FBXO11: variants seen among roughly 807,000 people sequenced by gnomAD.
FBXO11 encodes the protein F-box only protein 11.
FBXO11 carries 13 observed loss-of-function variants against 117.0 expected under a neutral mutation model. That is an observed-to-expected ratio of 0.11 (90% CI 0.07 to 0.18). FBXO11 has a LOEUF of 0.18. FBXO11 is among the 10% of genes least tolerant of loss of function. The pLI, the probability that FBXO11 is intolerant of heterozygous loss-of-function variation, is 1.00. For missense variants in FBXO11, 767 were observed against 1,164.4 expected (o/e 0.66, Z 4.97); for synonymous variants, 490 against 380.5 (o/e 1.29, Z -3.35).
chr2:47,827,460 C>T (rs974966869), intron 11 of FBXO11, among the ~76,000 whole-genome samples: 2 of 152,120 alleles, frequency 1.3e-5, no homozygotes, highest in African/African-American at 2.4e-5. Flanking sequence ...GTGTGAGCCA[C>T]CACGCCCAGC....
chr2:47,820,743 C>G (rs949275076), intron 13 of FBXO11, among the ~76,000 whole-genome samples: 1 of 152,190 alleles, frequency 6.6e-6, no homozygotes, highest in Non-Finnish European at 1.5e-5. Flanking sequence ...GTATACTGAT[C>G]AGTAAGTATC....
chr2:47,820,822 G>A (rs2104719470), intron 13 of FBXO11, among the ~76,000 whole-genome samples: 1 of 152,248 alleles, frequency 6.6e-6, no homozygotes, highest in Admixed American at 6.5e-5. Flanking sequence ...AGTATTATAT[G>A]ACTTAACTCA....
Position 47,906,149 on chromosome 2 carries a change from T to C in FBXO11, c.-429A>G. On this transcript the variant is annotated 5_prime_UTR_variant, in exon 1 of 23. Transcript: ENST00000403359. ...GCGGCGTCTCCGGCAGCGGGGGGAGTGGGCGGGCGGGTGAGGAAGGGAGAA... is the reference window on the plus strand; with the variant it reads ...GCGGCGTCTCCGGCAGCGGGGGGAGCGGGCGGGCGGGTGAGGAAGGGAGAA... The C allele has an allele frequency of 1.1e-5, 1 of 90,428 alleles. No homozygotes were observed. The highest frequency in any genetic ancestry group is 2.3e-5 in the Non-Finnish European group (1 of 43,718). 5.6% of individuals were successfully genotyped at this position (90,428 alleles called of 1,614,324 possible).
intron 1 of FBXO11, among the ~76,000 whole-genome samples, chr2:47,867,043 T>G (rs748000470): frequency 5.9e-5 from 9 of 152,162 alleles, no homozygotes; most frequent in Non-Finnish European, 1.2e-4. Flanking sequence ...ACCTGAAAAC[T>G]AAAAATCTAA....
chr2:47,866,439 T>C (rs1265712900), intron 1 of FBXO11, among the ~76,000 whole-genome samples: 2 of 151,990 alleles, frequency 1.3e-5, no homozygotes, highest in Non-Finnish European at 2.9e-5. Flanking sequence ...CCCAAAATGA[T>C]GTGTTCTGTT....
intron 13 of FBXO11, 86 bp downstream of exon 13, chr2:47,822,132 G>A: frequency 1.1e-6 from 1 of 881,714 alleles, no homozygotes; most frequent in Non-Finnish European, 1.8e-6. Flanking sequence ...CTTCCACTTG[G>A]GTAGTTTCAA....
At chr2:47,808,803 C>T (rs989446333) in intron 21 of FBXO11, 1 of 262,468 alleles carries the variant, frequency 3.8e-6, no homozygotes, top group African/African-American at 2.2e-5. Context: ...AAACATTACA[C>T]AACATGAGTT....
At chr2:47,846,889 G>T (rs1317811274) in intron 1 of FBXO11, among the ~76,000 whole-genome samples, 2 of 152,290 alleles carry the variant, frequency 1.3e-5, no homozygotes, top group East Asian at 3.9e-4. Context: ...CATGCAGCTA[G>T]TGGCTACCCT....
chr2:47,883,161 T>C (rs1043207556), intron 1 of FBXO11, among the ~76,000 whole-genome samples: 1 of 152,216 alleles, frequency 6.6e-6, no homozygotes, highest in Non-Finnish European at 1.5e-5. Flanking sequence ...CACTAATGAC[T>C]GTTCTTTGTG....
At chr2:47,823,466 C>CTT (rs111876799) in intron 11 of FBXO11, 106 bp from the exon 12 acceptor site, 52,204 of 885,990 alleles carry the variant, frequency 0.059, 1,772 homozygotes, top group Non-Finnish European at 0.066. Context: ...GTATTAGAAA[C>CTT]ATTTAAGGCT....
chr2:47,894,529 T>C (rs1677507920), intron 1 of FBXO11, among the ~76,000 whole-genome samples: 1 of 152,152 alleles, frequency 6.6e-6, no homozygotes, highest in Admixed American at 6.6e-5. Flanking sequence ...GAATCACATA[T>C]TAAAGTCCAC....
intron 1 of FBXO11, among the ~76,000 whole-genome samples, chr2:47,841,187 G>C (rs1672986640): frequency 6.6e-6 from 1 of 152,056 alleles, no homozygotes; most frequent in Non-Finnish European, 1.5e-5. Context: ...AACAGAGCAA[G>C]ACTCCGTCTC....
Position 47,839,584 on chromosome 2 carries a change from T to C in FBXO11, c.360+58A>G. On this transcript the variant is annotated intron_variant, in intron 2 of 22. Coordinates refer to ENST00000403359, the MANE Select transcript of FBXO11 (RefSeq NM_001190274.2). ...TTCTAAAAAAGGATGACATTCCCTT[T>C]TTTGTTTCTTGAAAATTCTTTCATT... The C allele has an allele frequency of 2.5e-6, 4 of 1,605,314 alleles. No homozygotes were observed. In the South Asian group the frequency reaches 3.4e-5, roughly 14 times the overall value.
At chr2:47,843,734 G>GCTTCTT (rs200411440) in intron 1 of FBXO11, among the ~76,000 whole-genome samples, 2 of 151,386 alleles carry the variant, frequency 1.3e-5, no homozygotes, top group African/African-American at 4.8e-5. Context: ...ATTTGCTGCT[G>GCTTCTT]CTTCTTCTTC....
At chr2:47,901,404 A>G (rs888885187) in intron 1 of FBXO11, among the ~76,000 whole-genome samples, 5 of 151,902 alleles carry the variant, frequency 3.3e-5, no homozygotes, top group African/African-American at 1.2e-4. Context: ...AAATACATCT[A>G]TTTTCAAAAA....
chr2:47,890,056 T>C (rs1677147591), intron 1 of FBXO11, among the ~76,000 whole-genome samples: 1 of 152,182 alleles, frequency 6.6e-6, no homozygotes, highest in Admixed American at 6.5e-5. Flanking sequence ...GCTCAAGCAA[T>C]CCTACTGCCT....
Position 47,808,318 on chromosome 2 carries a change from G to C in FBXO11, c.2654+11C>G. 1 of 1,612,366 alleles carries C rather than the reference G, an allele frequency of 6.2e-7. No homozygotes were observed. Among genetic ancestry groups the C allele is most frequent in the Non-Finnish European group, 8.5e-7 (1 of 1,179,262 alleles). Reference sequence around the variant, plus strand: ...TAATTGGGTAATATATCAAGCAAGTGTGCTACATACCTATCATGTCTAATA... The same window carrying C: ...TAATTGGGTAATATATCAAGCAAGTCTGCTACATACCTATCATGTCTAATA... On this transcript the variant is annotated intron_variant, in intron 22 of 22. Transcript: ENST00000403359.
At position 47,818,771 on chromosome 2, in the gene FBXO11, A is replaced by C; in HGVS notation, c.2006+8T>G. ...TCCCAAAAGATAGCCAAATATGAAA[A>C]CATTTACCTTATCTGAACCCCTGAA... On this transcript the variant is annotated splice_region_variant and intron_variant, in intron 16 of 22. Coordinates refer to ENST00000403359, the MANE Select transcript of FBXO11 (RefSeq NM_001190274.2). The C allele has an allele frequency of 6.4e-7, 1 of 1,565,914 alleles. No homozygotes were observed. Among genetic ancestry groups the C allele is most frequent in the Non-Finnish European group, 8.6e-7 (1 of 1,163,084 alleles).
chr2:47,818,192 AG>A (rs1671141605), intron 16 of FBXO11, among the ~76,000 whole-genome samples: 2 of 152,252 alleles, frequency 1.3e-5, no homozygotes, highest in African/African-American at 2.4e-5. Context: ...ACACAGAGAC[AG>A]GAAGTGAGCA....
Sources: gnomAD v4.1 joint callset for allele counts (sites outside exome capture counted in the v4.1 genomes callset) on GRCh38, gnomAD v4.1.1 for gene constraint, MANE v1.5 for transcripts, NCBI Gene and HGNC (gene_info 2026-07-23, HGNC 2026-07-21) for gene names.